Variants in EHMT1 observed in about 807,000 individuals in gnomAD.
EHMT1 encodes euchromatic histone lysine methyltransferase 1.
EHMT1 carries 15 observed loss-of-function variants against 147.2 expected under a neutral mutation model. The observed-to-expected ratio is 0.10, with a 90% CI of 0.07 to 0.16. The LOEUF (loss-of-function observed/expected upper bound fraction) is 0.16. Ranked by LOEUF, EHMT1 falls within the 10% of genes least tolerant of loss-of-function variation. The pLI is 1.00. For missense variants in EHMT1, 1,587 were observed against 1,772.4 expected (o/e 0.90, Z 1.88); for synonymous variants, 795 against 709.6 (o/e 1.12, Z -1.91).
At chr9:137,647,952 C>T (rs773178719) in intron 1 of EHMT1, among the ~76,000 whole-genome samples, 228 of 152,188 alleles carry the variant, frequency 1.5e-3, no homozygotes, top group Non-Finnish European at 2.1e-3. Context: ...TCAGAGCATT[C>T]GTACTCTTTG....
intron 25 of EHMT1, 159 bp from the exon 26 acceptor site, chr9:137,834,190 C>A: frequency 2.1e-6 from 2 of 942,650 alleles, no homozygotes; most frequent in Non-Finnish European, 3.2e-6. Flanking sequence ...CTGGCGGAGG[C>A]TCCGCACCGC....
Position 137,706,572 on chromosome 9 carries a change from C to T in EHMT1, c.22-4395C>T, listed in dbSNP as rs138234609. ...CGTGATCTCGGCTCACTGCAACCTC[C>T]GCCTCCTGGGTTAAAGATATTCTCC... On this transcript the variant is annotated intron_variant, in intron 1 of 26. Transcript: ENST00000460843. 4.5e-3 allele frequency among the ~76,000 whole-genome samples: 682 copies of T among 152,274 alleles called. 5 individuals are homozygous for T. The highest frequency in any genetic ancestry group is 0.015 in the African/African-American group (613 of 41,554).
At chr9:137,777,072 C>T (rs184824324) in intron 12 of EHMT1, 26 of 523,876 alleles carry the variant, frequency 5.0e-5, no homozygotes, top group African/African-American at 2.7e-4. Context: ...TGTTTTGAAC[C>T]GGTTTTCACA....
intron 23 of EHMT1, chr9:137,816,491 C>T (rs1954929364): frequency 6.5e-6 from 2 of 307,506 alleles, no homozygotes; most frequent in Non-Finnish European, 6.3e-6. Context: ...TCTCAGGCTG[C>T]GTGGACTCCT....
At chr9:137,650,430 G>C (rs949041277) in intron 1 of EHMT1, among the ~76,000 whole-genome samples, 1 of 152,038 alleles carries the variant, frequency 6.6e-6, no homozygotes, top group African/African-American at 2.4e-5. Flanking sequence ...TAAAATTATA[G>C]CCAAACTAGG....
intron 1 of EHMT1, among the ~76,000 whole-genome samples, chr9:137,673,288 C>T (rs975210731): frequency 1.3e-5 from 2 of 152,126 alleles, no homozygotes; most frequent in African/African-American, 4.8e-5. Flanking sequence ...GGTTTGTGGT[C>T]CCTCACCATT....
chr9:137,725,652 G>T (rs978329505), intron 3 of EHMT1, among the ~76,000 whole-genome samples: 2 of 152,164 alleles, frequency 1.3e-5, no homozygotes, highest in African/African-American at 4.8e-5. Flanking sequence ...TGGCAGTTTA[G>T]TGTGGGCTCA....
At chr9:137,665,000 C>T (rs1939475805) in intron 1 of EHMT1, 1 of 152,164 alleles carries the variant, frequency 6.6e-6, no homozygotes, top group African/African-American at 2.4e-5. Flanking sequence ...TCTGTTGGAC[C>T]ACCCACTTTG....
At chr9:137,753,770 C>T (rs1412932093) in intron 7 of EHMT1, among the ~76,000 whole-genome samples, 2 of 147,156 alleles carry the variant, frequency 1.4e-5, no homozygotes, top group Non-Finnish European at 3.0e-5. Context: ...CTGTGTAGAT[C>T]ATTCATGTGG....
intron 1 of EHMT1, among the ~76,000 whole-genome samples, chr9:137,636,725 G>A (rs1348515478): frequency 6.6e-6 from 1 of 152,030 alleles, no homozygotes; most frequent in Non-Finnish European, 1.5e-5. Context: ...CTGCGTTTCT[G>A]CCCTAAATCC....
At chr9:137,621,487 A>G (rs1481543294) in intron 1 of EHMT1, among the ~76,000 whole-genome samples, 1 of 152,212 alleles carries the variant, frequency 6.6e-6, no homozygotes, top group African/African-American at 2.4e-5. Flanking sequence ...ACTTGAGGTC[A>G]GGAGTTCGAG....
chr9:137,759,923 G>A (rs938359094), intron 9 of EHMT1, among the ~76,000 whole-genome samples: 1 of 152,212 alleles, frequency 6.6e-6, no homozygotes, highest in Non-Finnish European at 1.5e-5. Flanking sequence ...GATGCCGCTG[G>A]TTGTGGGTCA....
intron 1 of EHMT1, among the ~76,000 whole-genome samples, chr9:137,634,611 A>ATTTCTTTTCTTTTCT (rs138810369): frequency 7.3e-6 from 1 of 137,218 alleles, no homozygotes; most frequent in East Asian, 2.2e-4. Flanking sequence ...ATTTTCTTTC[A>ATTTCTTTTCTTTTCT]TTTCTTTTCT....
chr9:137,830,613 C>T (rs1027347219), intron 25 of EHMT1, among the ~76,000 whole-genome samples: 2 of 152,050 alleles, frequency 1.3e-5, no homozygotes, highest in Non-Finnish European at 2.9e-5. Context: ...GTCCAGCTCC[C>T]GGATGGCATC....
intron 13 of EHMT1, 60 bp from the exon 14 acceptor site, chr9:137,779,575 T>C: frequency 2.5e-6 from 4 of 1,594,222 alleles, no homozygotes; most frequent in Non-Finnish European, 2.6e-6. Context: ...CCTTCCAGCC[T>C]TCAGCTTCAT....
rs906933133 is a variant in EHMT1, at chr9:137,771,780, C to T, written c.1648-3329C>T. On this transcript the variant is annotated intron_variant, in intron 10 of 26. Coordinates refer to ENST00000460843, the MANE Select transcript of EHMT1 (RefSeq NM_024757.5). ...CGGGCAGCGTCGGGCAGAGAGGGTGCCACTGGGAAGGAAGGGAGGGGCCCC... is the reference window on the plus strand; with the variant it reads ...CGGGCAGCGTCGGGCAGAGAGGGTGTCACTGGGAAGGAAGGGAGGGGCCCC... Among the ~76,000 whole-genome samples the T allele has an allele frequency of 2.6e-5, 4 of 152,160 alleles. No homozygotes were observed. In the South Asian group the frequency reaches 8.3e-4, roughly 31 times the overall value.
intron 1 of EHMT1, among the ~76,000 whole-genome samples, chr9:137,635,457 C>T (rs1208353124): frequency 4.0e-5 from 6 of 151,636 alleles, no homozygotes; most frequent in Non-Finnish European, 5.9e-5. Flanking sequence ...CCTCGTGATT[C>T]GCCCTCCTTG....
chr9:137,629,821 C>T lies in EHMT1; in HGVS notation c.21+10772C>T, dbSNP rs140535490. Among the ~76,000 whole-genome samples the T allele has an allele frequency of 9.8e-5, 15 of 152,306 alleles. No individual in the cohort carries two copies. The East Asian group carries it at 2.9e-3, about 29-fold the overall frequency. On this transcript the variant is annotated intron_variant, in intron 1 of 26. Transcript: ENST00000460843. ...CTGGGATTATAGGCATGAGCCACCG[C>T]ACCCGGCTGAGAATAGTTATTAGAG...
intron 16 of EHMT1, among the ~76,000 whole-genome samples, chr9:137,794,030 C>CA (rs1952718410): frequency 6.6e-6 from 1 of 152,158 alleles, no homozygotes; most frequent in Non-Finnish European, 1.5e-5. Context: ...ACCATAACAA[C>CA]ATTTAAATTC....
Sources: allele counts gnomAD v4.1 joint callset (sites outside exome capture counted in the v4.1 genomes callset), GRCh38; gene constraint gnomAD v4.1.1; transcripts MANE v1.5; gene names NCBI Gene and HGNC (gene_info 2026-07-23, HGNC 2026-07-21).